ARNT2: variants seen among roughly 807,000 people sequenced by gnomAD.
ARNT2 encodes aryl hydrocarbon receptor nuclear translocator 2.
Under a neutral mutation model 91.7 loss-of-function variants are expected in ARNT2, and 36 were observed. The observed-to-expected ratio is 0.39, with a 90% CI of 0.30 to 0.52. The LOEUF (loss-of-function observed/expected upper bound fraction) is 0.52. Among genes scored for constraint, ARNT2 ranks in the 20% least tolerant of loss-of-function variants. The pLI is 0.72. For synonymous variants in ARNT2, 365 were observed against 347.1 expected (o/e 1.05, Z -0.57); for missense variants, 775 against 939.3 (o/e 0.83, Z 2.29).
intron 8 of ARNT2, among the ~76,000 whole-genome samples, chr15:80,516,184 T>C (rs907591029): frequency 6.6e-6 from 1 of 152,230 alleles, no homozygotes; most frequent in African/African-American, 2.4e-5. Flanking sequence ...TAAAGTATTC[T>C]TTAAATGTCA....
intron 17 of ARNT2, among the ~76,000 whole-genome samples, chr15:80,584,902 G>A (rs1265177650): frequency 6.6e-6 from 1 of 152,234 alleles, no homozygotes; most frequent in Non-Finnish European, 1.5e-5. Flanking sequence ...CTTGCCGGAC[G>A]TCACCCAGTG....
chr15:80,508,448 C>A (rs914087466), intron 6 of ARNT2, among the ~76,000 whole-genome samples, 190 bp downstream of exon 6: 1 of 152,142 alleles, frequency 6.6e-6, no homozygotes, highest in African/African-American at 2.4e-5. Flanking sequence ...CTCTATCCTC[C>A]TACCATCCCA....
chr15:80,486,670 A>G (rs971747525), intron 5 of ARNT2, among the ~76,000 whole-genome samples: 3 of 152,226 alleles, frequency 2.0e-5, no homozygotes, highest in African/African-American at 7.2e-5. Flanking sequence ...CTTTGGACCC[A>G]CAAGCCTATT....
At chr15:80,450,858 T>G (rs528083102) in intron 1 of ARNT2, 22 bp from the exon 2 acceptor site, 1 of 1,612,536 alleles carries the variant, frequency 6.2e-7, no homozygotes, top group Non-Finnish European at 8.5e-7. Context: ...TGACAAAACC[T>G]CTTGTCTTTG....
chr15:80,507,754 A>G (rs904286128), intron 5 of ARNT2, among the ~76,000 whole-genome samples: 2 of 152,236 alleles, frequency 1.3e-5, no homozygotes, highest in African/African-American at 2.4e-5. Flanking sequence ...AGAAGGGAGC[A>G]GTGCGCGGTC....
chr15:80,421,278 A>C (rs1329332478), intron 1 of ARNT2, among the ~76,000 whole-genome samples: 1 of 152,106 alleles, frequency 6.6e-6, no homozygotes, highest in Non-Finnish European at 1.5e-5. Context: ...ACGGCTAAAA[A>C]ACTATATATT....
At chr15:80,587,587 TA>T (rs1197212574) in intron 17 of ARNT2, among the ~76,000 whole-genome samples, 3 of 152,132 alleles carry the variant, frequency 2.0e-5, no homozygotes, top group African/African-American at 4.8e-5. Flanking sequence ...TTCAAATTTT[TA>T]AAAAAGGAGG....
At chr15:80,439,142 G>C (rs1896145294) in intron 1 of ARNT2, among the ~76,000 whole-genome samples, 2 of 152,020 alleles carry the variant, frequency 1.3e-5, no homozygotes, top group Non-Finnish European at 2.9e-5. Context: ...GACTGGGAGA[G>C]TTCAAAATAC....
intron 8 of ARNT2, among the ~76,000 whole-genome samples, chr15:80,533,889 C>G (rs1188306186): frequency 1.3e-5 from 2 of 152,210 alleles, no homozygotes; most frequent in African/African-American, 4.8e-5. Context: ...CCCCCTCATT[C>G]CATTTTCCTG....
At chr15:80,437,565 C>T (rs1462701267) in intron 1 of ARNT2, among the ~76,000 whole-genome samples, 1 of 152,222 alleles carries the variant, frequency 6.6e-6, no homozygotes, top group Non-Finnish European at 1.5e-5. Flanking sequence ...GGGCCTGCCA[C>T]CTCTTTGAAA....
chr15:80,442,592 A>G (rs1348101369), intron 1 of ARNT2, among the ~76,000 whole-genome samples: 2 of 152,246 alleles, frequency 1.3e-5, no homozygotes, highest in Admixed American at 6.5e-5. Flanking sequence ...TAATGTCCTG[A>G]TAAACTCCAT....
chr15:80,487,024 G>A (rs1896986532), intron 5 of ARNT2, among the ~76,000 whole-genome samples: 2 of 152,156 alleles, frequency 1.3e-5, no homozygotes, highest in Middle Eastern at 3.2e-3. Flanking sequence ...AGCTACCCTA[G>A]GTGGGACAGA....
chr15:80,545,985 T>A (rs1028488194), intron 8 of ARNT2, among the ~76,000 whole-genome samples: 1 of 152,178 alleles, frequency 6.6e-6, no homozygotes, highest in Non-Finnish European at 1.5e-5. Flanking sequence ...TAAAGGAGGA[T>A]TTCTTTCAAG....
At chr15:80,425,611 G>A (rs554810118) in intron 1 of ARNT2, among the ~76,000 whole-genome samples, 2 of 152,072 alleles carry the variant, frequency 1.3e-5, no homozygotes, top group African/African-American at 4.8e-5. Context: ...TACATGTGCA[G>A]AATGTGCAGG....
chr15:80,425,857 G>C (rs1207550583), intron 1 of ARNT2, among the ~76,000 whole-genome samples: 1 of 152,110 alleles, frequency 6.6e-6, no homozygotes, highest in Admixed American at 6.6e-5. Context: ...AGACCAGCCT[G>C]GGCAACATAG....
intron 5 of ARNT2, among the ~76,000 whole-genome samples, chr15:80,495,373 G>A (rs770911090): frequency 1.5e-4 from 23 of 152,232 alleles, no homozygotes; most frequent in African/African-American, 5.5e-4. Context: ...CAGGTTCCAA[G>A]TTGAGGTGTC....
chr15:80,486,643 C>T (rs1302540351), intron 5 of ARNT2, among the ~76,000 whole-genome samples: 1 of 152,166 alleles, frequency 6.6e-6, no homozygotes, highest in East Asian at 1.9e-4. Flanking sequence ...GATGTTTATG[C>T]ATTCACTGAT....
chr15:80,445,671 C>G (rs1408704232), intron 1 of ARNT2, among the ~76,000 whole-genome samples: 1 of 151,892 alleles, frequency 6.6e-6, no homozygotes, highest in Non-Finnish European at 1.5e-5. Context: ...CAGGGAGACC[C>G]GAGTGGGGTC....
intron 8 of ARNT2, among the ~76,000 whole-genome samples, chr15:80,531,404 G>C (rs527902142): frequency 6.6e-6 from 1 of 152,368 alleles, no homozygotes; most frequent in African/African-American, 2.4e-5. Context: ...CAAGGAGAAG[G>C]TAATTTAATG....
Sources: allele counts gnomAD v4.1 joint callset (sites outside exome capture counted in the v4.1 genomes callset), GRCh38; gene constraint gnomAD v4.1.1; transcripts MANE v1.5; gene names NCBI Gene and HGNC (gene_info 2026-07-23, HGNC 2026-07-21).